The following SLC13A3 variants were observed in gnomAD, a reference collection of about 807,000 sequenced individuals.
SLC13A3 encodes solute carrier family 13 member 3, also known as Na(+)/dicarboxylate cotransporter 3.
SLC13A3 carries 40 observed loss-of-function variants against 59.0 expected under a neutral mutation model. The observed-to-expected ratio is 0.68, with a 90% CI of 0.53 to 0.88. The LOEUF (loss-of-function observed/expected upper bound fraction) is 0.88, where lower values mean the gene tolerates loss of function less well. SLC13A3 is among the 40% of genes least tolerant of loss of function. SLC13A3 has a pLI of 0.00. For synonymous variants in SLC13A3, 317 were observed against 330.3 expected (o/e 0.96, Z 0.44); for missense variants, 699 against 783.2 (o/e 0.89, Z 1.28).
chr20:46,612,568 A>G (rs1460421154), intron 2 of SLC13A3, among the ~76,000 whole-genome samples: 2 of 151,816 alleles, frequency 1.3e-5, no homozygotes, highest in Admixed American at 1.3e-4. Context: ...GTGTTAATAA[A>G]ACAGTACCTA....
chr20:46,656,660 T>A (rs1012639155), intron 1 of SLC13A3, among the ~76,000 whole-genome samples: 3 of 150,368 alleles, frequency 2.0e-5, no homozygotes, highest in African/African-American at 4.9e-5. Context: ...ATTATATATA[T>A]AGCCAAATTT....
intron 1 of SLC13A3, among the ~76,000 whole-genome samples, chr20:46,634,277 C>T (rs1284056018): frequency 2.0e-5 from 3 of 152,250 alleles, no homozygotes; most frequent in African/African-American, 4.8e-5. Context: ...AACTGATTTT[C>T]GTGTGCCCAC....
chr20:46,612,101 T>C (rs374009993), intron 2 of SLC13A3, among the ~76,000 whole-genome samples: 1 of 148,474 alleles, frequency 6.7e-6, no homozygotes, highest in East Asian at 2.0e-4. Context: ...TTTTCTTTCT[T>C]TCTCTCTTTC....
intron 1 of SLC13A3, among the ~76,000 whole-genome samples, chr20:46,665,588 T>C (rs2063058952): frequency 6.6e-6 from 1 of 152,258 alleles, no homozygotes; most frequent in African/African-American, 2.4e-5. Flanking sequence ...ACATTTCTTT[T>C]TATTGCTGAA....
chr20:46,653,917 T>C (rs2062968047), upstream of SLC13A3, among the ~76,000 whole-genome samples: 1 of 151,974 alleles, frequency 6.6e-6, no homozygotes, highest in Non-Finnish European at 1.5e-5. Context: ...GTACAAAGAG[T>C]ATCTGTCTGA....
rs769081496 is a variant in SLC13A3 at position 46,596,288 on chromosome 20, C to T, written c.663G>A (p.Arg221=). The T allele has an allele frequency of 2.6e-5, 42 of 1,614,048 alleles. No individual in the cohort carries two copies. The South Asian group carries it at 4.3e-4, about 16-fold the overall frequency. ...EVPLDLPADS[R]KEDEYRRNIW... ...TGTTCCGACGATATTCATCCTCCTT[C>T]CTGGAGTCAGCCGGCAGATCCAGTG... is the stretch of plus-strand genomic sequence containing the variant. Residue 221 remains arginine (R), a synonymous_variant, in exon 5 of 13, where the codon AGG becomes AGA. Transcript: ENST00000279027.
intron 1 of SLC13A3, among the ~76,000 whole-genome samples, chr20:46,628,844 A>G (rs150447216): frequency 6.6e-6 from 1 of 152,366 alleles, no homozygotes; most frequent in Non-Finnish European, 1.5e-5. Context: ...ATCATCACAG[A>G]AAGTTTTATA....
intron 1 of SLC13A3, among the ~76,000 whole-genome samples, chr20:46,622,152 G>T (rs2062622281): frequency 6.6e-6 from 1 of 152,184 alleles, no homozygotes; most frequent in Non-Finnish European, 1.5e-5. Context: ...TGATGGAGTT[G>T]GTTTCAGGGA....
At chr20:46,577,958 T>C (rs1327957911) in intron 9 of SLC13A3, among the ~76,000 whole-genome samples, 1 of 151,974 alleles carries the variant, frequency 6.6e-6, no homozygotes, top group Admixed American at 6.6e-5. Flanking sequence ...TCCCAGGGCT[T>C]TGCCCAGAGC....
At chr20:46,563,627 A>AGAGAGAGG (rs2146076732) in intron 11 of SLC13A3, 76 bp from the exon 12 acceptor site, 4 of 1,491,994 alleles carry the variant, frequency 2.7e-6, no homozygotes, top group South Asian at 1.3e-5. Flanking sequence ...AGAGAGAGAG[A>AGAGAGAGG]GAGAGGCAGT....
intron 1 of SLC13A3, among the ~76,000 whole-genome samples, chr20:46,621,803 G>A (rs1029401582): frequency 2.0e-5 from 3 of 152,166 alleles, no homozygotes; most frequent in Non-Finnish European, 2.9e-5. Flanking sequence ...TTCAGGAACT[G>A]TTCTCCCTAC....
chr20:46,581,289 G>A (rs1462489201), intron 9 of SLC13A3, among the ~76,000 whole-genome samples: 1 of 152,236 alleles, frequency 6.6e-6, no homozygotes, highest in East Asian at 1.9e-4. Context: ...CAGAACCATG[G>A]ATGGGCACCT....
intron 9 of SLC13A3, among the ~76,000 whole-genome samples, chr20:46,578,670 T>C (rs1055758021): frequency 9.9e-5 from 15 of 152,030 alleles, no homozygotes; most frequent in Non-Finnish European, 2.9e-5. Flanking sequence ...AGCAAGACCC[T>C]GTCTTAAAAA....
chr20:46,626,569 T>A (rs1340813171), intron 1 of SLC13A3, among the ~76,000 whole-genome samples: 2 of 151,938 alleles, frequency 1.3e-5, no homozygotes, highest in Non-Finnish European at 1.5e-5. Flanking sequence ...AGAGCCAGAG[T>A]GACCCCCAAA....
At chr20:46,584,359 T>A (rs2062171052) in intron 8 of SLC13A3, 1 of 985,424 alleles carries the variant, frequency 1.0e-6, no homozygotes, top group Non-Finnish European at 1.2e-6. Flanking sequence ...AAAGTTTTTA[T>A]TTGCAGCATT....
rs942583959 is a variant in SLC13A3 at position 46,558,192 on chromosome 20, C to G, written c.*1830G>C. The G allele has an allele frequency of 6.6e-6, 1 of 152,110 alleles. No individual in the cohort carries two copies. The highest frequency in any genetic ancestry group is 1.5e-5 in the Non-Finnish European group (1 of 68,052). The allele number at this position is 152,110 out of a possible 1,614,324, so 9.4% of individuals were successfully genotyped here. A position where few individuals can be genotyped will look rare whatever the true frequency, so the allele number is the denominator to read the frequency against. On this transcript the variant is annotated 3_prime_UTR_variant, in exon 13 of 13. Transcript: ENST00000279027. ...GGAAGCCTCTCAGGGAAGGTGACAC[C>G]TGAGCAGGGACTTGAATAAAGTGAG...
Position 46,626,901 on chromosome 20 carries a change from C to T in SLC13A3, c.112-13176G>A, listed in dbSNP as rs145112571. On this transcript the variant is annotated intron_variant, in intron 1 of 12. Transcript: ENST00000279027. ...CTGGCCCTCTTGACCCCACGCACCC[C>T]CTTCTATCTCTGGCTGGCTGGCTCC... Among the ~76,000 whole-genome samples the T allele has an allele frequency of 8.1e-3, 1,077 of 133,534 alleles. 6 individuals carry two copies. The highest frequency in any genetic ancestry group is 0.014 in the Non-Finnish European group (855 of 60,748). The allele number at this position is 133,534 out of a possible 152,430, so 87.6% of individuals were successfully genotyped here. A position where few individuals can be genotyped will look rare whatever the true frequency, so the allele number is the denominator to read the frequency against.
intron 3 of SLC13A3, among the ~76,000 whole-genome samples, chr20:46,604,387 T>C (rs1439796088): frequency 6.6e-6 from 1 of 152,164 alleles, no homozygotes; most frequent in Non-Finnish European, 1.5e-5. Flanking sequence ...GCTTGTTTCA[T>C]TACTAGGGTA....
At chr20:46,580,417 C>G (rs904778234) in intron 9 of SLC13A3, among the ~76,000 whole-genome samples, 6 of 150,306 alleles carry the variant, frequency 4.0e-5, no homozygotes, top group African/African-American at 1.5e-4. Flanking sequence ...TGTTACCTTC[C>G]ATCTGGAGAA....
Sources: allele counts gnomAD v4.1 joint callset (sites outside exome capture counted in the v4.1 genomes callset), GRCh38; gene constraint gnomAD v4.1.1; transcripts MANE v1.5; gene names NCBI Gene and HGNC (gene_info 2026-07-23, HGNC 2026-07-21).